Variants in MMP20 observed in about 807,000 individuals in gnomAD.
MMP20 encodes matrix metalloproteinase-20.
A neutral mutation model predicts 51.8 loss-of-function variants in MMP20; 50 were observed. That is an observed-to-expected ratio of 0.97 (90% CI 0.77 to 1.22). The LOEUF is 1.22. Ranked by LOEUF, MMP20 falls within the 50% of genes most tolerant of loss-of-function variation. The pLI, the probability that MMP20 is intolerant of heterozygous loss-of-function variation, is 0.00. For synonymous variants in MMP20, 244 were observed against 216.2 expected (o/e 1.13, Z -1.13); for missense variants, 663 against 601.4 (o/e 1.10, Z -1.07).
chr11:102,608,175 A>T (rs1398798999), intron 5 of MMP20: 1 of 152,190 alleles, frequency 6.6e-6, no homozygotes, highest in African/African-American at 2.4e-5. Flanking sequence ...GAAGCCTAAT[A>T]ACCAGGTCTC....
chr11:102,608,570 T>A (rs951138551), intron 5 of MMP20, among the ~76,000 whole-genome samples: 1 of 152,214 alleles, frequency 6.6e-6, no homozygotes, highest in African/African-American at 2.4e-5. Context: ...ATGATTGCTA[T>A]TTTTAGGGAG....
chr11:102,616,466 G>A (rs917624197), intron 2 of MMP20, among the ~76,000 whole-genome samples: 1 of 152,172 alleles, frequency 6.6e-6, no homozygotes, highest in Non-Finnish European at 1.5e-5. Context: ...TACTTTATTA[G>A]TAGGTTATTT....
intron 8 of MMP20, among the ~76,000 whole-genome samples, chr11:102,592,546 AAAAATG>A (rs147063843): frequency 6.6e-6 from 1 of 152,362 alleles, no homozygotes; most frequent in Non-Finnish European, 1.5e-5. Flanking sequence ...TTTATACCAC[AAAAATG>A]ATTATTTAAA....
Position 102,609,008 on chromosome 11 carries a change from G to T in MMP20, c.740C>A (p.Thr247Asn), listed in dbSNP as rs766923224. 1 of 1,613,994 alleles carries T rather than the reference G, an allele frequency of 6.2e-7. No homozygotes were observed. Among genetic ancestry groups the T allele is most frequent in the Non-Finnish European group, 8.5e-7 (1 of 1,179,838 alleles). The change falls in exon 5 of 10, where the codon ACT becomes AAT. Residue 247 changes from threonine (T) to asparagine (N), a missense_variant. Physicochemically the swap from Thr to Asn is moderately conservative, Grantham distance 65. Coordinates refer to ENST00000260228, the MANE Select transcript of MMP20 (RefSeq NM_004771.4). ...TCCATAGGGATTCTTGTACTTATAA[G>T]TTGGGTACATCAGTGCTGATGGGTC... is the stretch of plus-strand genomic sequence containing the variant. ...STDPSALMYP[T>N]YKYKNPYGFH... is the part of the protein sequence containing the mutation.
chr11:102,577,503 C>T, intron 9 of MMP20, 77 bp from the exon 10 acceptor site: 1 of 1,041,270 alleles, frequency 9.6e-7, no homozygotes. Context: ...GTCACTGTCA[C>T]TTTCTTAAAG....
chr11:102,590,852 C>T (rs1346556104), intron 8 of MMP20, among the ~76,000 whole-genome samples: 4 of 152,120 alleles, frequency 2.6e-5, no homozygotes, highest in Admixed American at 1.3e-4. Flanking sequence ...ATGACTAAAG[C>T]TCCCCTGGCC....
At chr11:102,604,922 GA>G (rs1195891318) in intron 6 of MMP20, among the ~76,000 whole-genome samples, 1 of 152,178 alleles carries the variant, frequency 6.6e-6, no homozygotes, top group Non-Finnish European at 1.5e-5. Flanking sequence ...TCTATCCAGA[GA>G]AAACGTCAGG....
In MMP20 at chr11:102,625,093, T is replaced by C. The variant is rs534491455; in HGVS notation, c.126+101A>G. The C allele has an allele frequency of 6.7e-6, 10 of 1,482,974 alleles. No individual in the cohort carries two copies. The South Asian group carries it at 1.1e-4, about 17-fold the overall frequency. 91.9% of individuals were successfully genotyped at this position (1,482,974 alleles called of 1,614,324 possible). A position where few individuals can be genotyped will look rare whatever the true frequency, so the allele number is the denominator to read the frequency against. ...ACTTCAATGGACTTATATAAAATGA[T>C]TTTAAAAGAACAATAGAATTTTTTT... On this transcript the variant is annotated intron_variant, in intron 1 of 9. Transcript: ENST00000260228.
chr11:102,611,779 T>C lies in MMP20; in HGVS notation c.499A>G (p.Ile167Val). 1 of 1,614,212 alleles carries C rather than the reference T, an allele frequency of 6.2e-7. No individual in the cohort carries two copies. The highest frequency in any genetic ancestry group is 8.5e-7 in the Non-Finnish European group (1 of 1,180,034). ...FVRINSGEAD[I>V]MISFENGDHG... ...CCTCCATTTTCAAAAGATATCATAA[T>C]ATCCGCTTCTCCTGAGTTTATTCTG... Residue 167 changes from isoleucine to valine, a missense_variant, in exon 3 of 10, where the codon ATT (isoleucine) becomes GTT (valine). Ile to Val is a conservative substitution (Grantham distance 29, BLOSUM62 3). Transcript: ENST00000260228.
Position 102,606,642 on chromosome 11 carries a change from C to A in MMP20, c.846G>T (p.Leu282=). 6.2e-7 allele frequency: 1 copy of A among 1,613,942 alleles called. No homozygotes were observed. The highest frequency in any genetic ancestry group is 8.5e-7 in the Non-Finnish European group (1 of 1,179,866). ...PRKVFLGKPT[L]PHAPHHKPSI... is the part of the protein sequence containing the mutation. ...ATGGCTTGTGATGGGGGGCATGGGG[C>A]AGAGTGGGCTTCCCCAGGAATACTT... The change falls in exon 6 of 10, where the codon CTG becomes CTT. Residue 282 remains leucine (L), a synonymous_variant. Transcript: ENST00000260228.
chr11:102,598,496 A>G (rs1464128407), intron 6 of MMP20, among the ~76,000 whole-genome samples: 1 of 152,232 alleles, frequency 6.6e-6, no homozygotes, highest in Non-Finnish European at 1.5e-5. Flanking sequence ...GTCAGGGTTC[A>G]ATACACATTT....
Position 102,594,641 on chromosome 11 carries a change from C to A in MMP20, c.1070G>T (p.Gly357Val). The A allele has an allele frequency of 1.9e-6, 3 of 1,613,802 alleles. No homozygotes were observed. Among genetic ancestry groups the A allele is most frequent in the Non-Finnish European group, 2.5e-6 (3 of 1,179,982 alleles). ...VDAAYEVAERGTAYFFKGPHY... is the reference protein window; with the variant it reads ...VDAAYEVAERVTAYFFKGPHY... ...GGTACCTTTGAAGAAGTAAGCAGTG[C>A]CCCTCTCAGCCACTTCGTAAGCTGC... The change falls in exon 7 of 10, where the codon GGC (glycine) becomes GTC (valine). Residue 357 changes from glycine (G) to valine (V), a missense_variant. Gly to Val is a moderately radical substitution (Grantham distance 109, BLOSUM62 -3). Transcript: ENST00000260228.
In MMP20 at chr11:102,606,536, G is replaced by A. The variant is rs149696445; in HGVS notation, c.952C>T (p.Arg318Trp). The change falls in exon 6 of 10, where the codon CGG becomes TGG. Residue 318 changes from arginine (R) to tryptophan (W), a missense_variant and splice_region_variant. Transcript: ENST00000260228. ...GTCGGTGGCGTGTCTGAGGCTTACC[G>A]GTCCTTGAAGAGCAGGAGCTCCTTC... ...LGKELLLFKD[R>W]IFWRRQVHLR... 37 of 1,613,706 alleles carry A rather than the reference G, an allele frequency of 2.3e-5. No individual in the cohort carries two copies. Among genetic ancestry groups the A allele is most frequent in the Non-Finnish European group, 2.8e-5 (33 of 1,179,818 alleles).
chr11:102,579,703 C>G (rs1309285397), intron 8 of MMP20, among the ~76,000 whole-genome samples: 1 of 152,186 alleles, frequency 6.6e-6, no homozygotes, highest in Non-Finnish European at 1.5e-5. Flanking sequence ...TCTGGTACCA[C>G]AAGCTTGGAA....
rs1176376823 is a variant in MMP20, at chr11:102,579,080, G to C, written c.1310C>G (p.Ser437Ter). The change falls in exon 9 of 10, where the codon TCA becomes TGA. Residue 437 changes from serine to a stop codon, truncating the protein, a stop_gained. Coordinates refer to ENST00000260228, the MANE Select transcript of MMP20 (RefSeq NM_004771.4). LOFTEE classifies it high-confidence loss of function. ...AGCATCGATTTGGCCATTTACTCCT[G>C]AAAATTCTTCTTCAGTATTCTTTGG... The part of the protein sequence containing the change: ...DYPKNTEEEF[S>*]GVNGQIDAAV... 8 of 1,613,706 alleles carry C rather than the reference G, an allele frequency of 5.0e-6. No individual in the cohort carries two copies.
At position 102,606,640 on chromosome 11, in the gene MMP20, G is replaced by A. The variant is rs1390503562; in HGVS notation, c.848C>T (p.Pro283Leu). Residue 283 changes from proline (P) to leucine (L), a missense_variant, in exon 6 of 10, where the codon CCC (proline) becomes CTC (leucine). Pro to Leu is a moderately conservative substitution (Grantham distance 98). Transcript: ENST00000260228. Reference sequence around the variant, plus strand: ...GGATGGCTTGTGATGGGGGGCATGGGGCAGAGTGGGCTTCCCCAGGAATAC... The same window carrying A: ...GGATGGCTTGTGATGGGGGGCATGGAGCAGAGTGGGCTTCCCCAGGAATAC... ...RKVFLGKPTL[P>L]HAPHHKPSIP... 2.5e-6 allele frequency: 4 copies of A among 1,613,882 alleles called. No homozygotes were observed. Among genetic ancestry groups the A allele is most frequent in the South Asian group, 1.1e-5 (1 of 91,068 alleles).
intron 8 of MMP20, among the ~76,000 whole-genome samples, chr11:102,591,051 A>G (rs1859311285): frequency 6.6e-6 from 1 of 152,240 alleles, no homozygotes; most frequent in Non-Finnish European, 1.5e-5. Context: ...GGGGTCTCTG[A>G]TACTAGTGGC....
intron 2 of MMP20, among the ~76,000 whole-genome samples, chr11:102,612,865 T>C (rs1211307683): frequency 6.6e-6 from 1 of 151,524 alleles, no homozygotes; most frequent in Non-Finnish European, 1.5e-5. Flanking sequence ...GCCTCCTGAG[T>C]AGCTGGGATT....
In MMP20 at chr11:102,609,892, T is replaced by C; in HGVS notation, c.649+13A>G. ...CAATATTTTCCAGGTTATGGTGAAT[T>C]GTGCATATATACCATTCGTTCCCAT... On this transcript the variant is annotated intron_variant, in intron 4 of 9. Coordinates refer to ENST00000260228, the MANE Select transcript of MMP20 (RefSeq NM_004771.4). 1.2e-6 allele frequency: 2 copies of C among 1,614,106 alleles called. No individual in the cohort carries two copies. Among genetic ancestry groups the C allele is most frequent in the Admixed American group, 3.3e-5 (2 of 60,020 alleles).
Sources: allele counts gnomAD v4.1 joint callset (sites outside exome capture counted in the v4.1 genomes callset), GRCh38; gene constraint gnomAD v4.1.1; transcripts MANE v1.5; gene names NCBI Gene and HGNC (gene_info 2026-07-23, HGNC 2026-07-21).